Variants in FRMD4B observed in about 807,000 individuals in gnomAD.
FRMD4B encodes FERM domain-containing protein 4B.
Under a neutral mutation model 141.5 loss-of-function variants are expected in FRMD4B, and 74 were observed. The ratio of observed to expected loss-of-function variants is 0.52; its 90% CI spans 0.43 to 0.63. The LOEUF is 0.63. Ranked by LOEUF, FRMD4B falls within the 30% of genes least tolerant of loss-of-function variation. The pLI is 0.00. For synonymous variants in FRMD4B, 506 were observed against 467.9 expected (o/e 1.08, Z -1.05); for missense variants, 1,366 against 1,253.4 (o/e 1.09, Z -1.36).
At chr3:69,488,690 C>A (rs1056149495) in intron 1 of FRMD4B, among the ~76,000 whole-genome samples, 6 of 151,816 alleles carry the variant, frequency 4.0e-5, no homozygotes, top group Non-Finnish European at 5.9e-5. Context: ...ATTATGAGGT[C>A]AGGAGTTCGA....
At chr3:69,363,525 G>A (rs1703539520) in intron 1 of FRMD4B, among the ~76,000 whole-genome samples, 1 of 151,942 alleles carries the variant, frequency 6.6e-6, no homozygotes, top group Admixed American at 6.6e-5. Context: ...GAGTAGCTGG[G>A]ACTACAGGCG....
At chr3:69,300,666 C>T (rs1007850035) in intron 4 of FRMD4B, among the ~76,000 whole-genome samples, 6 of 152,218 alleles carry the variant, frequency 3.9e-5, no homozygotes, top group Non-Finnish European at 5.9e-5. Flanking sequence ...GGGAACACTA[C>T]ATAAACACTA....
At chr3:69,367,491 C>T (rs9861534) in intron 1 of FRMD4B, among the ~76,000 whole-genome samples, 149,758 of 151,972 alleles carry the variant, frequency 0.99, 73,833 homozygotes, top group East Asian at 1. Context: ...CATATATTGT[C>T]TTGTACTTTG....
At chr3:69,497,565 T>G (rs1706422591) in intron 1 of FRMD4B, among the ~76,000 whole-genome samples, 1 of 152,128 alleles carries the variant, frequency 6.6e-6, no homozygotes, top group Admixed American at 6.6e-5. Flanking sequence ...AATATCCTCC[T>G]TATAATAAAA....
At chr3:69,230,890 T>C (rs4530530) in intron 7 of FRMD4B, among the ~76,000 whole-genome samples, 105,057 of 152,210 alleles carry the variant, frequency 0.69, 37,206 homozygotes, top group South Asian at 0.85. Context: ...GCTACACACA[T>C]CATGAATGTC....
At chr3:69,534,639 A>G (rs773889871) in intron 1 of FRMD4B, among the ~76,000 whole-genome samples, 2 of 152,228 alleles carry the variant, frequency 1.3e-5, no homozygotes, top group East Asian at 3.8e-4. Flanking sequence ...ATGACTTGTC[A>G]TGTCACAGAC....
chr3:69,393,350 G>C (rs141983803), intron 2 of FRMD4B, among the ~76,000 whole-genome samples: 1 of 138,320 alleles, frequency 7.2e-6, no homozygotes. Context: ...AAAAAAGAGC[G>C]TCATGGTGTG....
intron 1 of FRMD4B, among the ~76,000 whole-genome samples, chr3:69,314,819 A>C (rs1346203204): frequency 6.6e-6 from 1 of 152,178 alleles, no homozygotes; most frequent in African/African-American, 2.4e-5. Flanking sequence ...TGGGTGACAC[A>C]GAGAGACACT....
At chr3:69,291,159 T>A (rs774767413) in intron 4 of FRMD4B, among the ~76,000 whole-genome samples, 13 of 152,138 alleles carry the variant, frequency 8.5e-5, no homozygotes, top group Non-Finnish European at 1.5e-5. Flanking sequence ...GAGGAAGAGA[T>A]CTCCCTGCCC....
At chr3:69,219,395 T>C (rs1203707703) in intron 9 of FRMD4B, among the ~76,000 whole-genome samples, 1 of 152,036 alleles carries the variant, frequency 6.6e-6, no homozygotes, top group Non-Finnish European at 1.5e-5. Context: ...TAATTTGACA[T>C]ATTTTTTAAA....
At chr3:69,190,460 G>A (rs1327752806) in intron 17 of FRMD4B, among the ~76,000 whole-genome samples, 2 of 151,334 alleles carry the variant, frequency 1.3e-5, no homozygotes, top group African/African-American at 4.9e-5. Context: ...TGTTGCCCAG[G>A]CTGGAGTGCA....
At position 69,195,036 on chromosome 3, in the gene FRMD4B, G is replaced by T; in HGVS notation, c.1474C>A (p.Leu492Met). ...GTAFKLDDNL[L>M]PSEEDPALQE... ...GTTGTTCATACTTCTTCACTCGGCA[G>T]CAAGTTGTCATCTAATTTGAACGCA... Residue 492 changes from leucine to methionine, a missense_variant, in exon 16 of 23, where the codon CTG becomes ATG. By Grantham distance (15) the Leu-to-Met change is conservative (BLOSUM62 2). Transcript: ENST00000398540. The T allele has an allele frequency of 1.9e-6, 3 of 1,613,610 alleles. No individual in the cohort carries two copies. The highest frequency in any genetic ancestry group is 2.5e-6 in the Non-Finnish European group (3 of 1,179,572).
chr3:69,425,588 C>G (rs981441403), intron 2 of FRMD4B, among the ~76,000 whole-genome samples: 1 of 152,176 alleles, frequency 6.6e-6, no homozygotes, highest in East Asian at 1.9e-4. Flanking sequence ...CCCTACCTTT[C>G]GTGATGGCTT....
intron 1 of FRMD4B, among the ~76,000 whole-genome samples, chr3:69,349,043 G>T (rs890599995): frequency 6.6e-6 from 1 of 152,216 alleles, no homozygotes; most frequent in Non-Finnish European, 1.5e-5. Context: ...GTCCCTGTTT[G>T]CATATGACAT....
intron 1 of FRMD4B, among the ~76,000 whole-genome samples, chr3:69,501,260 C>G (rs1489739074): frequency 7.5e-6 from 1 of 133,706 alleles, no homozygotes; most frequent in Non-Finnish European, 1.5e-5. Context: ...AGCTAATCAG[C>G]TATCCTTAGC....
chr3:69,415,893 A>C (rs752637109), intron 2 of FRMD4B, among the ~76,000 whole-genome samples: 4 of 152,230 alleles, frequency 2.6e-5, no homozygotes, highest in Non-Finnish European at 5.9e-5. Flanking sequence ...CGGTTAACAC[A>C]TTAAGGACCA....
chr3:69,304,488 A>AT (rs959510084), intron 3 of FRMD4B, among the ~76,000 whole-genome samples: 5 of 151,006 alleles, frequency 3.3e-5, no homozygotes, highest in African/African-American at 1.2e-4. Flanking sequence ...TATCTCAAAA[A>AT]AAAAAAAAAA....
At chr3:69,540,631 AAAAAAATATATATAT>A (rs1701161004) in intron 1 of FRMD4B, among the ~76,000 whole-genome samples, 1 of 74,036 alleles carries the variant, frequency 1.4e-5, no homozygotes, top group African/African-American at 7.7e-5. Flanking sequence ...AAAAAAAAAA[AAAAAAATATATATAT>A]ATATATATAT....
chr3:69,408,529 G>A (rs1575791411), intron 2 of FRMD4B, among the ~76,000 whole-genome samples: 1 of 152,348 alleles, frequency 6.6e-6, no homozygotes, highest in South Asian at 2.1e-4. Flanking sequence ...TTAGTTAAGA[G>A]AGAGCAGGAC....
Sources: gnomAD v4.1 joint callset for allele counts (sites outside exome capture counted in the v4.1 genomes callset) on GRCh38, gnomAD v4.1.1 for gene constraint, MANE v1.5 for transcripts, NCBI Gene and HGNC (gene_info 2026-07-23, HGNC 2026-07-21) for gene names.